The following FHIT variants were observed in gnomAD, a reference collection of about 807,000 sequenced individuals.
FHIT encodes fragile histidine triad diadenosine triphosphatase, also known as bis(5'-adenosyl)-triphosphatase.
A neutral mutation model predicts 17.9 loss-of-function variants in FHIT; 19 were observed. The ratio of observed to expected loss-of-function variants is 1.06; its 90% confidence interval spans 0.74 to 1.56. The LOEUF (loss-of-function observed/expected upper bound fraction) is 1.56, where lower values mean the gene tolerates loss of function less well. Among genes scored for constraint, FHIT ranks in the 40% most tolerant of loss-of-function variants. The pLI is 0.00. For synonymous variants in FHIT, 81 were observed against 69.7 expected (o/e 1.16, Z -0.81); for missense variants, 248 against 189.2 (o/e 1.31, Z -1.82).
intron 4 of FHIT, among the ~76,000 whole-genome samples, chr3:60,635,707 T>A (rs1553683653): frequency 6.6e-6 from 1 of 152,150 alleles, no homozygotes; most frequent in Admixed American, 6.5e-5. Flanking sequence ...GACTGCATAG[T>A]AAGTGGCCGA....
chr3:60,789,390 C>T (rs1700702197), intron 4 of FHIT, among the ~76,000 whole-genome samples: 1 of 152,152 alleles, frequency 6.6e-6, no homozygotes, highest in Non-Finnish European at 1.5e-5. Flanking sequence ...TGGTGGTGCA[C>T]ACCTGTACTC....
At chr3:60,761,152 G>C (rs1427844869) in intron 4 of FHIT, among the ~76,000 whole-genome samples, 1 of 152,046 alleles carries the variant, frequency 6.6e-6, no homozygotes, top group Non-Finnish European at 1.5e-5. Flanking sequence ...ACACTTTCCT[G>C]CCACTCTTTT....
intron 5 of FHIT, among the ~76,000 whole-genome samples, chr3:60,279,841 C>T (rs1320937195): frequency 6.6e-6 from 1 of 151,936 alleles, no homozygotes; most frequent in Non-Finnish European, 1.5e-5. Context: ...ACCATCCTGA[C>T]TAACACAGTG....
intron 5 of FHIT, among the ~76,000 whole-genome samples, chr3:60,060,610 G>A (rs1453995142): frequency 1.3e-5 from 2 of 152,140 alleles, no homozygotes; most frequent in Non-Finnish European, 1.5e-5. Context: ...GAAAACTGTG[G>A]CACATTTGGG....
At chr3:60,997,097 C>A (rs975241135) in intron 3 of FHIT, among the ~76,000 whole-genome samples, 2 of 152,178 alleles carry the variant, frequency 1.3e-5, no homozygotes, top group East Asian at 3.8e-4. Flanking sequence ...TCTGGGAACT[C>A]TTTGGTCTGT....
intron 3 of FHIT, among the ~76,000 whole-genome samples, chr3:60,959,697 TC>T (rs1158363550): frequency 6.6e-6 from 1 of 151,924 alleles, no homozygotes; most frequent in African/African-American, 2.4e-5. Flanking sequence ...GTGCAAATGC[TC>T]TGTGGGAGGC....
At chr3:60,347,249 C>T (rs1161855656) in intron 5 of FHIT, among the ~76,000 whole-genome samples, 1 of 152,008 alleles carries the variant, frequency 6.6e-6, no homozygotes, top group Non-Finnish European at 1.5e-5. Context: ...ATGGATGAGT[C>T]TCATTAGCAG....
rs1702080032 is a variant in FHIT, at chr3:60,184,527, A to T, written c.104-170375T>A. Among the ~76,000 whole-genome samples, 3 of 152,170 alleles carry T rather than the reference A, an allele frequency of 2.0e-5. No individual in the cohort carries two copies. The South Asian group carries it at 6.2e-4, about 32-fold the overall frequency. On this transcript the variant is annotated intron_variant, in intron 5 of 9. Coordinates refer to ENST00000492590, the MANE Select transcript of FHIT (RefSeq NM_002012.4). The stretch of plus-strand genomic sequence containing the variant: ...TTTGGGAGGAACACCACAAAGATAA[A>T]GTGCCATACTCATCACATCATAGCA...
intron 2 of FHIT, among the ~76,000 whole-genome samples, chr3:61,194,331 C>T (rs923066874): frequency 3.3e-5 from 5 of 152,058 alleles, no homozygotes; most frequent in African/African-American, 4.8e-5. Flanking sequence ...CCACAAAGAC[C>T]TTGGTTCTGA....
At chr3:60,307,590 A>G (rs1382672584) in intron 5 of FHIT, among the ~76,000 whole-genome samples, 1 of 152,192 alleles carries the variant, frequency 6.6e-6, no homozygotes, top group East Asian at 1.9e-4. Context: ...ATGGATCTGT[A>G]TATCCTTGAT....
intron 4 of FHIT, among the ~76,000 whole-genome samples, chr3:60,633,097 C>T (rs1577003987): frequency 6.6e-6 from 1 of 152,110 alleles, no homozygotes; most frequent in Non-Finnish European, 1.5e-5. Flanking sequence ...CTGTAGATTG[C>T]CACAAGCCTA....
intron 3 of FHIT, among the ~76,000 whole-genome samples, chr3:60,876,592 T>C (rs1423283348): frequency 2.6e-5 from 4 of 152,216 alleles, no homozygotes; most frequent in African/African-American, 9.6e-5. Flanking sequence ...TATTGATGAA[T>C]ACATTTAACA....
At chr3:61,096,415 G>A (rs565047525) in intron 2 of FHIT, among the ~76,000 whole-genome samples, 5 of 152,292 alleles carry the variant, frequency 3.3e-5, no homozygotes, top group East Asian at 3.9e-4. Flanking sequence ...CTTTCTGGTG[G>A]CAGAATGATA....
At chr3:59,914,317 C>T (rs568866245) in intron 8 of FHIT, among the ~76,000 whole-genome samples, 147 of 152,156 alleles carry the variant, frequency 9.7e-4, no homozygotes, top group Non-Finnish European at 1.7e-3. Flanking sequence ...TAATGGTAGA[C>T]GTCACCCCGC....
Position 60,662,700 on chromosome 3 carries a change from T to G in FHIT, c.-17-125721A>C, listed in dbSNP as rs77594867. ...CCTGAACATGGGATATGTTTCCATTTGTTTGCGTCATCTATGATTTCCTTA... is the reference window on the plus strand; with the variant it reads ...CCTGAACATGGGATATGTTTCCATTGGTTTGCGTCATCTATGATTTCCTTA... On this transcript the variant is annotated intron_variant, in intron 4 of 9. Coordinates refer to ENST00000492590, the MANE Select transcript of FHIT (RefSeq NM_002012.4). 2.3e-3 allele frequency among the ~76,000 whole-genome samples: 353 copies of G among 152,312 alleles called. 2 individuals carry two copies. The highest frequency in any genetic ancestry group is 8.3e-3 in the African/African-American group (343 of 41,574).
At chr3:60,268,547 A>C (rs1299397588) in intron 5 of FHIT, among the ~76,000 whole-genome samples, 1 of 152,228 alleles carries the variant, frequency 6.6e-6, no homozygotes, top group East Asian at 1.9e-4. Flanking sequence ...GAAGAAAGGG[A>C]AATTTTGAGA....
At chr3:60,419,423 T>C (rs770902999) in intron 5 of FHIT, among the ~76,000 whole-genome samples, 1 of 152,216 alleles carries the variant, frequency 6.6e-6, no homozygotes, top group African/African-American at 2.4e-5. Flanking sequence ...GTTGGCACTT[T>C]CTGTGTCTCT....
chr3:60,788,819 G>C (rs950320431), intron 4 of FHIT, among the ~76,000 whole-genome samples: 1 of 152,026 alleles, frequency 6.6e-6, no homozygotes, highest in Non-Finnish European at 1.5e-5. Context: ...TAAAAATCCT[G>C]ACAGAGAAAT....
chr3:60,883,745 C>T (rs1281878843), intron 3 of FHIT, among the ~76,000 whole-genome samples: 2 of 151,942 alleles, frequency 1.3e-5, no homozygotes, highest in South Asian at 2.1e-4. Context: ...TGTAAGGCCT[C>T]GAACTATAAA....
Sources: allele counts gnomAD v4.1 joint callset (sites outside exome capture counted in the v4.1 genomes callset), GRCh38; gene constraint gnomAD v4.1.1; transcripts MANE v1.5; gene names NCBI Gene and HGNC (gene_info 2026-07-23, HGNC 2026-07-21).